The following RUNX2 variants were observed in gnomAD, a reference collection of about 807,000 sequenced individuals.
RUNX2 encodes the protein runt-related transcription factor 2.
In RUNX2, 10 loss-of-function variants were observed where a neutral mutation model predicts 51.7. The ratio of observed to expected loss-of-function variants is 0.19; its 90% confidence interval spans 0.12 to 0.33. RUNX2 has a LOEUF of 0.33. Among genes scored for constraint, RUNX2 ranks in the 10% least tolerant of loss-of-function variants. The pLI is 1.00. For missense variants in RUNX2, 562 were observed against 691.3 expected, an observed-to-expected ratio of 0.81 and a Z score of 2.10; for synonymous variants, 276 against 273.6, an observed-to-expected ratio of 1.01 and a Z score of -0.09.
intron 2 of RUNX2, chr6:45,421,456 A>G (rs950437793): frequency 6.6e-6 from 1 of 152,144 alleles, no homozygotes; most frequent in East Asian, 1.9e-4. Flanking sequence ...AACCCTGCAA[A>G]ATCTTTTTCC....
chr6:45,435,490 T>C (rs1798656346), intron 4 of RUNX2, among the ~76,000 whole-genome samples: 1 of 152,168 alleles, frequency 6.6e-6, no homozygotes, highest in Non-Finnish European at 1.5e-5. Context: ...CTTGAGTAGC[T>C]GGGATTACAG....
At chr6:45,350,913 C>A (rs966403808) in intron 2 of RUNX2, among the ~76,000 whole-genome samples, 1 of 152,132 alleles carries the variant, frequency 6.6e-6, no homozygotes, top group African/African-American at 2.4e-5. Context: ...ACAGCAAGAG[C>A]GAACACTACC....
rs144960362 is a variant in RUNX2, at chr6:45,464,882, A to G, written c.685+26831A>G. On this transcript the variant is annotated intron_variant, in intron 5 of 8. Coordinates refer to ENST00000647337, the MANE Select transcript of RUNX2 (RefSeq NM_001024630.4). ...TGAATCACAATATCTCTTGATGCAC[A>G]GTGGGATTGTGGCAGCTGCTTAAGT... is the stretch of plus-strand genomic sequence containing the variant. Among the ~76,000 whole-genome samples the G allele has an allele frequency of 5.0e-3, 757 of 152,324 alleles. 7 individuals are homozygous for G. The highest frequency in any genetic ancestry group is 0.017 in the African/African-American group (714 of 41,568).
chr6:45,508,877 A>C (rs1475123410), intron 6 of RUNX2, among the ~76,000 whole-genome samples: 1 of 152,192 alleles, frequency 6.6e-6, no homozygotes, highest in Non-Finnish European at 1.5e-5. Context: ...TTATTCACTC[A>C]AGCCACCCTG....
intron 2 of RUNX2, among the ~76,000 whole-genome samples, chr6:45,406,971 C>A (rs1797847076): frequency 6.6e-6 from 1 of 152,028 alleles, no homozygotes; most frequent in African/African-American, 2.4e-5. Context: ...TAAAAAATAG[C>A]AATACAATGA....
At chr6:45,385,509 T>C (rs1797330017) in intron 2 of RUNX2, among the ~76,000 whole-genome samples, 1 of 152,196 alleles carries the variant, frequency 6.6e-6, no homozygotes, top group South Asian at 2.1e-4. Flanking sequence ...CAAAGCTCTG[T>C]GTGGGCACAG....
intron 2 of RUNX2, among the ~76,000 whole-genome samples, chr6:45,347,887 CAG>C (rs1220259667): frequency 6.6e-6 from 1 of 151,824 alleles, no homozygotes; most frequent in Admixed American, 6.6e-5. Flanking sequence ...AATAATGAAA[CAG>C]AATGTCAGTA....
chr6:45,443,039 T>C (rs1024828818), intron 5 of RUNX2, among the ~76,000 whole-genome samples: 1 of 38,530 alleles, frequency 2.6e-5, no homozygotes, highest in Non-Finnish European at 5.1e-5. Context: ...GGCCTTGCTT[T>C]TTTTTTTTTT....
chr6:45,410,500 A>G (rs1797927083), intron 2 of RUNX2, among the ~76,000 whole-genome samples: 1 of 152,226 alleles, frequency 6.6e-6, no homozygotes, highest in South Asian at 2.1e-4. Flanking sequence ...CAACTAATAT[A>G]TATTGATCAC....
intron 2 of RUNX2, among the ~76,000 whole-genome samples, chr6:45,399,744 AGAAAGGAAGAGAG>A (rs1383525469): frequency 4.1e-5 from 6 of 147,172 alleles, no homozygotes; most frequent in Non-Finnish European, 7.5e-5. Flanking sequence ...GGGGAAAGAG[AGAAAGGAAGAGAG>A]GAAAGGAAGG....
At chr6:45,457,068 A>AT (rs959241394) in intron 5 of RUNX2, among the ~76,000 whole-genome samples, 59 of 152,230 alleles carry the variant, frequency 3.9e-4, no homozygotes, top group African/African-American at 1.3e-3. Flanking sequence ...TTTTATATGC[A>AT]TTTTTTTGGG....
intron 5 of RUNX2, among the ~76,000 whole-genome samples, chr6:45,458,971 C>T (rs1477478315): frequency 6.6e-6 from 1 of 152,194 alleles, no homozygotes; most frequent in Non-Finnish European, 1.5e-5. Context: ...TGACAGTAAC[C>T]TGAAGCTTTG....
chr6:45,536,161 A>T (rs1052460637), intron 7 of RUNX2, among the ~76,000 whole-genome samples: 1 of 151,838 alleles, frequency 6.6e-6, no homozygotes, highest in Non-Finnish European at 1.5e-5. Context: ...CTTGAATATA[A>T]AGCCAGCTTC....
At chr6:45,510,737 G>GT (rs879795223) in intron 6 of RUNX2, among the ~76,000 whole-genome samples, 3,450 of 148,500 alleles carry the variant, frequency 0.023, 65 homozygotes, top group Middle Eastern at 0.041. Context: ...GTCACCCAGA[G>GT]TTTTTTTTTT....
chr6:45,396,391 T>C (rs1194384397), intron 2 of RUNX2, among the ~76,000 whole-genome samples: 4 of 152,174 alleles, frequency 2.6e-5, no homozygotes, highest in Non-Finnish European at 4.4e-5. Flanking sequence ...CCTAAAAGGA[T>C]TGTTAATTCC....
intron 2 of RUNX2, chr6:45,371,907 G>A: frequency 1.1e-6 from 1 of 907,826 alleles, no homozygotes; most frequent in South Asian, 5.1e-5. Context: ...CTGAAGTCCA[G>A]AGGGGTTTCT....
chr6:45,519,467 G>A (rs1196942294), intron 7 of RUNX2, among the ~76,000 whole-genome samples: 5 of 152,092 alleles, frequency 3.3e-5, no homozygotes, highest in African/African-American at 1.2e-4. Context: ...ATAATGCCAT[G>A]TGTCCACCAT....
At chr6:45,469,311 A>T (rs1167229880) in intron 5 of RUNX2, among the ~76,000 whole-genome samples, 2 of 152,236 alleles carry the variant, frequency 1.3e-5, no homozygotes, top group African/African-American at 4.8e-5. Context: ...CGGGTAAATG[A>T]ATGGTTAATT....
At chr6:45,399,339 CTTTT>C (rs1343486974) in intron 2 of RUNX2, among the ~76,000 whole-genome samples, 3 of 95,240 alleles carry the variant, frequency 3.1e-5, no homozygotes, top group African/African-American at 1.1e-4. Context: ...TCATTTCTTT[CTTTT>C]CTTTCCTTTT....
Sources: allele counts gnomAD v4.1 joint callset (sites outside exome capture counted in the v4.1 genomes callset), GRCh38; gene constraint gnomAD v4.1.1; transcripts MANE v1.5; gene names NCBI Gene and HGNC (gene_info 2026-07-23, HGNC 2026-07-21).